The following SLC39A11 variants were observed in gnomAD, a reference collection of about 807,000 sequenced individuals.
SLC39A11 encodes solute carrier family 39 member 11.
A neutral mutation model predicts 36.1 loss-of-function variants in SLC39A11; 33 were observed. The observed-to-expected ratio is 0.91, with a 90% CI of 0.69 to 1.22. The LOEUF (loss-of-function observed/expected upper bound fraction) is 1.22, where lower values mean the gene tolerates loss of function less well. Among genes scored for constraint, SLC39A11 ranks in the 50% most tolerant of loss-of-function variants. The probability of loss-of-function intolerance (pLI) is 0.00; values close to 1 mark genes in which losing one functional copy is unlikely to be tolerated. For synonymous variants in SLC39A11, 166 were observed against 170.3 expected (o/e 0.97, Z 0.20); for missense variants, 432 against 430.3 (o/e 1.00, Z -0.03).
At chr17:72,922,455 G>A (rs1173326702) in intron 5 of SLC39A11, among the ~76,000 whole-genome samples, 1 of 152,214 alleles carries the variant, frequency 6.6e-6, no homozygotes, top group Non-Finnish European at 1.5e-5. Flanking sequence ...AAGGATTGAC[G>A]AAAGCAGGTC....
chr17:73,062,120 G>C (rs2059859419), intron 3 of SLC39A11, among the ~76,000 whole-genome samples: 1 of 151,994 alleles, frequency 6.6e-6, no homozygotes, highest in African/African-American at 2.4e-5. Flanking sequence ...TTTGTAACCA[G>C]TGAGTGCTTA....
At chr17:72,972,506 C>T (rs1273945468) in intron 4 of SLC39A11, among the ~76,000 whole-genome samples, 4 of 152,182 alleles carry the variant, frequency 2.6e-5, no homozygotes, top group Non-Finnish European at 5.9e-5. Flanking sequence ...TGAGGGCAAA[C>T]ACAGCGAGCT....
intron 4 of SLC39A11, among the ~76,000 whole-genome samples, chr17:72,949,950 GACACACACACACACAC>G (rs67207508): frequency 0.015 from 2,121 of 146,240 alleles, 21 homozygotes; most frequent in African/African-American, 0.021. Context: ...AGGCTGCTGT[GACACACACACACACAC>G]ACACACACAC....
intron 4 of SLC39A11, among the ~76,000 whole-genome samples, chr17:73,009,907 G>A (rs190756119): frequency 8.6e-5 from 13 of 150,396 alleles, no homozygotes; most frequent in Non-Finnish European, 5.9e-5. Context: ...CCCACGACAG[G>A]CCCCAGTGTG....
intron 7 of SLC39A11, among the ~76,000 whole-genome samples, chr17:72,650,515 G>A (rs1027665435): frequency 3.3e-5 from 5 of 152,152 alleles, no homozygotes; most frequent in Non-Finnish European, 5.9e-5. Flanking sequence ...GAGGGAAATG[G>A]GGCCAGTCCG....
At chr17:72,936,719 G>A (rs547086970) in intron 5 of SLC39A11, among the ~76,000 whole-genome samples, 2 of 152,190 alleles carry the variant, frequency 1.3e-5, no homozygotes, top group South Asian at 4.1e-4. Context: ...CTGGTTTTAT[G>A]GAAGATAATT....
chr17:73,007,124 T>A (rs1225015246), intron 4 of SLC39A11, among the ~76,000 whole-genome samples: 2 of 151,926 alleles, frequency 1.3e-5, no homozygotes, highest in Non-Finnish European at 2.9e-5. Context: ...ACAGAGAGAT[T>A]CAAAACCAAG....
At chr17:73,008,405 C>A (rs957071634) in intron 4 of SLC39A11, among the ~76,000 whole-genome samples, 7 of 152,144 alleles carry the variant, frequency 4.6e-5, no homozygotes, top group African/African-American at 1.7e-4. Context: ...AACCACACTG[C>A]CCTGACCAGG....
intron 6 of SLC39A11, among the ~76,000 whole-genome samples, chr17:72,748,097 G>T (rs1374386086): frequency 1.3e-5 from 2 of 152,166 alleles, no homozygotes; most frequent in African/African-American, 4.8e-5. Context: ...CGAGGCGGGT[G>T]GATCACCTGA....
chr17:72,852,039 A>G lies in SLC39A11; in HGVS notation c.431-2235T>C, dbSNP rs1231538994. ...AACACGGTGAAACCCTATCTCTACT[A>G]AAAATACAAAAATTAACTGGGCGTG... On this transcript the variant is annotated intron_variant, in intron 5 of 9. Transcript: ENST00000255559. 2.6e-5 allele frequency among the ~76,000 whole-genome samples: 4 copies of G among 151,570 alleles called. No homozygotes were observed. In the East Asian group the frequency reaches 7.8e-4, roughly 29 times the overall value.
At chr17:72,790,610 C>T (rs1169683249) in intron 6 of SLC39A11, among the ~76,000 whole-genome samples, 1 of 151,854 alleles carries the variant, frequency 6.6e-6, no homozygotes, top group African/African-American at 2.4e-5. Flanking sequence ...TGGCTCACTG[C>T]AACCTCTGCC....
chr17:72,660,305 G>A (rs1012819589), intron 7 of SLC39A11, among the ~76,000 whole-genome samples: 3 of 152,176 alleles, frequency 2.0e-5, no homozygotes, highest in East Asian at 1.9e-4. Flanking sequence ...TAAAAATGAC[G>A]ATAACCACTG....
intron 6 of SLC39A11, among the ~76,000 whole-genome samples, chr17:72,815,147 G>A (rs938694169): frequency 6.6e-6 from 1 of 152,150 alleles, no homozygotes; most frequent in African/African-American, 2.4e-5. Flanking sequence ...TGGTCCATCG[G>A]GATTGCATAT....
chr17:72,853,265 C>T (rs952050262), intron 5 of SLC39A11, among the ~76,000 whole-genome samples: 8 of 150,740 alleles, frequency 5.3e-5, no homozygotes, highest in South Asian at 2.1e-4. Flanking sequence ...TGGACTCAAG[C>T]GATCCACCTG....
intron 5 of SLC39A11, among the ~76,000 whole-genome samples, chr17:72,869,129 T>C (rs1015448096): frequency 9.9e-5 from 15 of 152,206 alleles, no homozygotes; most frequent in Admixed American, 9.2e-4. Flanking sequence ...GGCTCAGGCA[T>C]GAGCCTTTGA....
At chr17:73,033,176 C>T (rs1293878372) in intron 3 of SLC39A11, among the ~76,000 whole-genome samples, 2 of 152,186 alleles carry the variant, frequency 1.3e-5, no homozygotes, top group African/African-American at 4.8e-5. Context: ...TGACAGGAGG[C>T]GGAGCTCCCG....
chr17:72,805,787 T>A (rs1282131387), intron 6 of SLC39A11, among the ~76,000 whole-genome samples: 3 of 151,750 alleles, frequency 2.0e-5, no homozygotes, highest in Admixed American at 6.6e-5. Flanking sequence ...CTTGCTCTGT[T>A]ACCCAGGCTG....
intron 1 of SLC39A11, 139 bp from the exon 2 acceptor site, chr17:73,088,914 G>C: frequency 1.6e-6 from 1 of 642,264 alleles, no homozygotes; most frequent in South Asian, 1.7e-5. Context: ...CACGCCATCT[G>C]TGTCCCTCAG....
At chr17:72,907,636 G>A (rs557316055) in intron 5 of SLC39A11, among the ~76,000 whole-genome samples, 9 of 152,246 alleles carry the variant, frequency 5.9e-5, no homozygotes, top group African/African-American at 1.7e-4. Flanking sequence ...ATCCTTTCTC[G>A]CTTTCCTCCC....
Sources: gnomAD v4.1 joint callset for allele counts (sites outside exome capture counted in the v4.1 genomes callset) on GRCh38, gnomAD v4.1.1 for gene constraint, MANE v1.5 for transcripts, NCBI Gene and HGNC (gene_info 2026-07-23, HGNC 2026-07-21) for gene names.